CACNA2D3: variants seen among roughly 807,000 people sequenced by gnomAD.
CACNA2D3 encodes the protein voltage-dependent calcium channel subunit alpha-2/delta-3.
In CACNA2D3, 60 loss-of-function variants were observed where a neutral mutation model predicts 160.6. The observed-to-expected ratio is 0.37, with a 90% CI of 0.30 to 0.46. The LOEUF is 0.46. CACNA2D3 is among the 20% of genes least tolerant of loss of function. The pLI is 1.00. For synonymous variants in CACNA2D3, 558 were observed against 492.9 expected, an observed-to-expected ratio of 1.13 and a Z score of -1.75; for missense variants, 1,205 against 1,365.0, an observed-to-expected ratio of 0.88 and a Z score of 1.85.
chr3:54,136,472 C>A (rs562569693), intron 2 of CACNA2D3, among the ~76,000 whole-genome samples: 1 of 152,214 alleles, frequency 6.6e-6, no homozygotes, highest in South Asian at 2.1e-4. Flanking sequence ...TTTCTTTCTT[C>A]CTTCTCTCAC....
intron 2 of CACNA2D3, among the ~76,000 whole-genome samples, chr3:54,315,895 G>A (rs1018555342): frequency 4.6e-5 from 7 of 152,020 alleles, no homozygotes; most frequent in Admixed American, 3.3e-4. Context: ...TGTTTATTAG[G>A]TGCTCATATT....
intron 9 of CACNA2D3, among the ~76,000 whole-genome samples, chr3:54,601,265 A>G (rs574753427): frequency 3.3e-5 from 5 of 152,282 alleles, no homozygotes; most frequent in African/African-American, 1.2e-4. Flanking sequence ...GTGCAGTGGC[A>G]TGATCATAGC....
At chr3:55,000,986 T>C (rs1702969477) in intron 31 of CACNA2D3, among the ~76,000 whole-genome samples, 1 of 152,208 alleles carries the variant, frequency 6.6e-6, no homozygotes, top group Admixed American at 6.5e-5. Context: ...ATGATCTATG[T>C]GAACTTGGGC....
chr3:54,903,720 T>C (rs557546326), intron 27 of CACNA2D3, among the ~76,000 whole-genome samples: 1 of 152,312 alleles, frequency 6.6e-6, no homozygotes, highest in East Asian at 1.9e-4. Flanking sequence ...CCAGCATCTG[T>C]TATTTTTTGA....
At chr3:54,344,601 T>C (rs1698423459) in intron 3 of CACNA2D3, among the ~76,000 whole-genome samples, 2 of 152,198 alleles carry the variant, frequency 1.3e-5, no homozygotes, top group Non-Finnish European at 2.9e-5. Context: ...AGGACCTGGC[T>C]TGAGTTCCAG....
At chr3:54,891,552 TA>T in intron 25 of CACNA2D3, 102 bp downstream of exon 25, 2 of 929,740 alleles carry the variant, frequency 2.2e-6, no homozygotes, top group Non-Finnish European at 3.4e-6. Flanking sequence ...GGTAGAAACA[TA>T]ATTTAGGCCA....
chr3:54,929,927 G>A (rs773386176), intron 27 of CACNA2D3, among the ~76,000 whole-genome samples: 1 of 152,144 alleles, frequency 6.6e-6, no homozygotes, highest in Non-Finnish European at 1.5e-5. Context: ...GAACTAGAAA[G>A]TTACTAATAA....
intron 3 of CACNA2D3, among the ~76,000 whole-genome samples, chr3:54,331,550 G>A (rs1400431115): frequency 6.6e-6 from 1 of 152,104 alleles, no homozygotes; most frequent in Non-Finnish European, 1.5e-5. Flanking sequence ...ACATTACTGA[G>A]TGCTTCTTGC....
chr3:55,004,389 C>T (rs1258721393), intron 31 of CACNA2D3, among the ~76,000 whole-genome samples: 2 of 152,232 alleles, frequency 1.3e-5, no homozygotes, highest in African/African-American at 4.8e-5. Context: ...CCCTTGGAGA[C>T]ATGGCCCAAG....
rs539332752 is a variant in CACNA2D3, at chr3:54,562,657, G to A, written c.545-143G>A. 2.0e-4 allele frequency: 130 copies of A among 647,626 alleles called. No individual in the cohort carries two copies. The East Asian group carries it at 3.3e-3, about 16-fold the overall frequency. 40.1% of individuals were successfully genotyped at this position (647,626 alleles called of 1,614,324 possible). A position where few individuals can be genotyped will look rare whatever the true frequency, so the allele number is the denominator to read the frequency against. ...CATCTGGACACCCCAGGAGCTAAAC[G>A]TTTTTGTGGCTATAACTTCCTTCAT... On this transcript the variant is annotated intron_variant, in intron 5 of 37. Coordinates refer to ENST00000474759, the MANE Select transcript of CACNA2D3 (RefSeq NM_018398.3).
At chr3:54,865,343 T>C (rs1429824731) in intron 17 of CACNA2D3, among the ~76,000 whole-genome samples, 1 of 152,224 alleles carries the variant, frequency 6.6e-6, no homozygotes, top group Non-Finnish European at 1.5e-5. Context: ...AGGGGGAAAG[T>C]AAGGAAACAC....
intron 14 of CACNA2D3, among the ~76,000 whole-genome samples, chr3:54,834,029 C>G (rs1345190530): frequency 1.3e-5 from 2 of 152,090 alleles, no homozygotes; most frequent in Non-Finnish European, 2.9e-5. Flanking sequence ...AGTACAAATG[C>G]AATATTATGG....
At chr3:54,192,478 G>A (rs537260246) in intron 2 of CACNA2D3, among the ~76,000 whole-genome samples, 6 of 152,118 alleles carry the variant, frequency 3.9e-5, no homozygotes, top group Non-Finnish European at 7.4e-5. Flanking sequence ...ACAGACCCTT[G>A]GGTTATTGAA....
At chr3:54,154,790 T>A (rs927573090) in intron 2 of CACNA2D3, among the ~76,000 whole-genome samples, 1 of 152,214 alleles carries the variant, frequency 6.6e-6, no homozygotes, top group African/African-American at 2.4e-5. Context: ...AGATGTACGA[T>A]TCTGTTCCGT....
intron 11 of CACNA2D3, among the ~76,000 whole-genome samples, chr3:54,712,893 C>T (rs912714675): frequency 1.1e-4 from 17 of 152,212 alleles, no homozygotes; most frequent in Admixed American, 9.8e-4. Flanking sequence ...CCTATTTTAA[C>T]ATCATCTGAT....
intron 27 of CACNA2D3, among the ~76,000 whole-genome samples, chr3:54,966,045 C>A (rs1702142289): frequency 6.6e-6 from 1 of 152,044 alleles, no homozygotes; most frequent in African/African-American, 2.4e-5. Context: ...TGAGAACAGA[C>A]TGCAAGTATG....
In CACNA2D3 at chr3:54,809,607, C is replaced by T. The variant is rs377491804; in HGVS notation, c.1381-7246C>T. Among the ~76,000 whole-genome samples, 20 of 140,794 alleles carry T rather than the reference C, an allele frequency of 1.4e-4. No homozygotes were observed. In the South Asian group the frequency reaches 1.5e-3, roughly 10 times the overall value. 92.4% of individuals were successfully genotyped at this position (140,794 alleles called of 152,430 possible). A position where few individuals can be genotyped will look rare whatever the true frequency, so the allele number is the denominator to read the frequency against. On this transcript the variant is annotated intron_variant, in intron 13 of 37. Transcript: ENST00000474759. Reference sequence around the variant, plus strand: ...TGCTGGGATTACAGGCGTGAGCCACCGCGCCCGGCCCCTTCCTTCTTTCTT... The same window carrying T: ...TGCTGGGATTACAGGCGTGAGCCACTGCGCCCGGCCCCTTCCTTCTTTCTT...
rs73063752 is a variant in CACNA2D3 at position 54,837,576 on chromosome 3, C to G, written c.1470+346C>G. On this transcript the variant is annotated intron_variant, in intron 15 of 37. Transcript: ENST00000474759. ...GCTGTTAGGAATGAAGTGCCACAAA[C>G]TGTGTGGCTTAAAAAAATAGAAATT... Among the ~76,000 whole-genome samples the G allele has an allele frequency of 1.9e-3, 293 of 152,278 alleles. 2 individuals carry two copies. The highest frequency in any genetic ancestry group is 3.5e-3 in the Non-Finnish European group (241 of 68,026).
intron 11 of CACNA2D3, among the ~76,000 whole-genome samples, chr3:54,687,942 G>T (rs545539349): frequency 4.6e-5 from 7 of 152,064 alleles, no homozygotes; most frequent in South Asian, 4.2e-4. Flanking sequence ...TAGCCAACAG[G>T]TTTTTTTTGT....
Sources: gnomAD v4.1 joint callset for allele counts (sites outside exome capture counted in the v4.1 genomes callset) on GRCh38, gnomAD v4.1.1 for gene constraint, MANE v1.5 for transcripts, NCBI Gene and HGNC (gene_info 2026-07-23, HGNC 2026-07-21) for gene names.